Variants in NOSIP observed in about 807,000 individuals in gnomAD.
The protein encoded by NOSIP is nitric oxide synthase-interacting protein.
Under a neutral mutation model 36.4 loss-of-function variants are expected in NOSIP, and 25 were observed. The observed-to-expected ratio is 0.69, with a 90% confidence interval of 0.50 to 0.96. The LOEUF (loss-of-function observed/expected upper bound fraction) is 0.96. NOSIP is among the 40% of genes least tolerant of loss of function. The pLI is 0.00. For synonymous variants in NOSIP, 187 were observed against 179.2 expected, an observed-to-expected ratio of 1.04 and a Z score of -0.35; for missense variants, 370 against 429.0, an observed-to-expected ratio of 0.86 and a Z score of 1.21.
chr19:49,573,878 G>C (rs77035369), intron 1 of NOSIP, among the ~76,000 whole-genome samples: 1 of 132,296 alleles, frequency 7.6e-6, no homozygotes. Context: ...TTTTTTTTTG[G>C]AGACGGAGTC....
chr19:49,564,575 G>A (rs1017635427), intron 1 of NOSIP, among the ~76,000 whole-genome samples: 4 of 151,686 alleles, frequency 2.6e-5, no homozygotes, highest in African/African-American at 9.7e-5. Context: ...TAGAACCCTC[G>A]TGCACTGCTC....
In NOSIP at chr19:49,556,384, C is replaced by G; in HGVS notation, c.767G>C (p.Arg256Pro). The change falls in exon 8 of 9, where the codon CGG (arginine) becomes CCG (proline). Residue 256 changes from arginine to proline, a missense_variant. Physicochemically the swap from Arg to Pro is moderately radical, Grantham distance 103 (BLOSUM62 -2). This residue lies in a region of NOSIP where 315 missense variants were observed against 331.9 expected (regional missense o/e 0.95). Coordinates refer to ENST00000596358, the MANE Select transcript of NOSIP (RefSeq NM_001270960.2). Reference sequence around the variant, plus strand: ...AGTCACAGGGTCCACCATGTCCTTCCGAATCAGCTTCTCCACGCATTCGAG... The same window carrying G: ...AGTCACAGGGTCCACCATGTCCTTCGGAATCAGCTTCTCCACGCATTCGAG... ...VTLECVEKLI[R>P]KDMVDPVTGD... The G allele has an allele frequency of 6.2e-7, 1 of 1,613,796 alleles. No homozygotes were observed. The highest frequency in any genetic ancestry group is 1.3e-5 in the African/African-American group (1 of 74,962).
At position 49,560,361 on chromosome 19, in the gene NOSIP, C is replaced by T; in HGVS notation, c.70+261G>A. 1.7e-6 allele frequency: 1 copy of T among 579,972 alleles called. No homozygotes were observed. The highest frequency in any genetic ancestry group is 2.1e-5 in the South Asian group (1 of 48,450). The allele number at this position is 579,972 out of a possible 1,614,324, so 35.9% of individuals were successfully genotyped here. A position where few individuals can be genotyped will look rare whatever the true frequency, so the allele number is the denominator to read the frequency against. The stretch of plus-strand genomic sequence containing the variant: ...TCCCTCTTTGGGCCTCAGTTTCTTC[C>T]TCTGGAACATGGGGTAACAAGAGCA... On this transcript the variant is annotated intron_variant, in intron 2 of 8. Coordinates refer to ENST00000596358, the MANE Select transcript of NOSIP (RefSeq NM_001270960.2). The surrounding 1 kb of genome is among the most constrained non-coding windows in gnomAD (Gnocchi z 4.6).
chr19:49,568,270 G>A (rs1276745946), intron 1 of NOSIP, among the ~76,000 whole-genome samples: 2 of 152,174 alleles, frequency 1.3e-5, no homozygotes, highest in African/African-American at 2.4e-5. Flanking sequence ...CAATGGGTGT[G>A]GGGTGGAGGG....
At chr19:49,575,912 G>A (rs7250216) in intron 1 of NOSIP, among the ~76,000 whole-genome samples, 14,329 of 152,058 alleles carry the variant, frequency 0.094, 1,691 homozygotes, top group African/African-American at 0.27. Context: ...CGGGCAGATC[G>A]TGAGGTCAGG....
intron 1 of NOSIP, among the ~76,000 whole-genome samples, chr19:49,568,463 G>C (rs911294224): frequency 1.3e-5 from 2 of 152,150 alleles, no homozygotes; most frequent in African/African-American, 4.8e-5. Context: ...ATAGCAGAGT[G>C]CAGTTTCCTG....
chr19:49,558,876 C>T, intron 4 of NOSIP, 21 bp downstream of exon 4: 2 of 1,605,262 alleles, frequency 1.2e-6, no homozygotes, highest in Non-Finnish European at 1.7e-6. Context: ...CCGTGTGCCG[C>T]CTCCTCCCCA....
In NOSIP at chr19:49,557,179, T is replaced by C. The variant is rs1386623628; in HGVS notation, c.329A>G (p.His110Arg). The C allele has an allele frequency of 8.1e-6, 13 of 1,609,800 alleles. No homozygotes were observed. In the Admixed American group the frequency reaches 1.5e-4, roughly 19 times the overall value. Reference sequence around the variant, plus strand: ...CTCCTTCTCCAGGAAGCCCCGCACATGGTCCTGCGAGGCCGCCCGCTGAAG... The same window carrying C: ...CTCCTTCTCCAGGAAGCCCCGCACACGGTCCTGCGAGGCCGCCCGCTGAAG... ...KELQRAASQD[H>R]VRGFLEKESA... The change falls in exon 5 of 9, where the codon CAT becomes CGT. Residue 110 changes from histidine to arginine, a missense_variant. By Grantham distance (29) the His-to-Arg change is conservative (BLOSUM62 0). Around this residue, in one of 3 missense-constraint regions of NOSIP, gnomAD observed 315 missense variants for 331.9 expected, o/e 0.95. Coordinates refer to ENST00000596358, the MANE Select transcript of NOSIP (RefSeq NM_001270960.2).
intron 1 of NOSIP, among the ~76,000 whole-genome samples, chr19:49,576,361 G>C (rs1599767113): frequency 6.6e-6 from 1 of 151,446 alleles, no homozygotes; most frequent in East Asian, 2.0e-4. Flanking sequence ...TGGTTTTTGA[G>C]ACCAGACTTG....
intron 8 of NOSIP, 74 bp from the exon 9 acceptor site, chr19:49,555,896 G>A: frequency 8.9e-7 from 1 of 1,121,060 alleles, no homozygotes; most frequent in Non-Finnish European, 1.4e-6. Context: ...GTGGTAGTGG[G>A]GATTCCTAAG....
intron 1 of NOSIP, among the ~76,000 whole-genome samples, chr19:49,572,686 A>G (rs1422215186): frequency 6.6e-6 from 1 of 151,760 alleles, no homozygotes; most frequent in Non-Finnish European, 1.5e-5. Context: ...ATATATATAT[A>G]TATATGGCTG....
chr19:49,573,130 C>T (rs188025895), intron 1 of NOSIP, among the ~76,000 whole-genome samples: 6 of 152,244 alleles, frequency 3.9e-5, no homozygotes, highest in East Asian at 1.9e-4. Flanking sequence ...GGCACAGAGG[C>T]GGTGCCCTAG....
Position 49,557,169 on chromosome 19 carries a change from G to A in NOSIP, c.339C>T (p.Gly113=), listed in dbSNP as rs906979562. 19 of 1,611,656 alleles carry A rather than the reference G, an allele frequency of 1.2e-5. No individual in the cohort carries two copies. The highest frequency in any genetic ancestry group is 1.5e-5 in the Non-Finnish European group (18 of 1,179,244). The part of the protein sequence containing the change: ...QRAASQDHVR[G]FLEKESAIVS... ...CGATAGCCGACTCCTTCTCCAGGAA[G>A]CCCCGCACATGGTCCTGCGAGGCCG... is the stretch of plus-strand genomic sequence containing the variant. Residue 113 remains glycine, a synonymous_variant, in exon 5 of 9, where the codon GGC becomes GGT. Transcript: ENST00000596358.
Position 49,560,835 on chromosome 19 carries a change from G to A in NOSIP, c.-1-143C>T. ...GGGGGGTGAGGTGGAAGAGAGGGAGGGCATGTGGTCGCCAGGCCTCCTCCA... is the reference window on the plus strand; with the variant it reads ...GGGGGGTGAGGTGGAAGAGAGGGAGAGCATGTGGTCGCCAGGCCTCCTCCA... On this transcript the variant is annotated intron_variant, in intron 1 of 8. Coordinates refer to ENST00000596358, the MANE Select transcript of NOSIP (RefSeq NM_001270960.2). This position sits in a 1 kb window ranked among gnomAD's most constrained non-coding sequence, Gnocchi z 4.6. The A allele has an allele frequency of 1.5e-6, 1 of 679,896 alleles. No homozygotes were observed. The highest frequency in any genetic ancestry group is 2.7e-5 in the East Asian group (1 of 36,556). The allele number at this position is 679,896 out of a possible 1,614,324, so 42.1% of individuals were successfully genotyped here.
At chr19:49,565,096 C>A (rs1181179638) in intron 1 of NOSIP, among the ~76,000 whole-genome samples, 2 of 151,974 alleles carry the variant, frequency 1.3e-5, no homozygotes, top group East Asian at 3.9e-4. Flanking sequence ...AGCAACATAG[C>A]AAAACCTTGT....
At chr19:49,575,085 T>A (rs369833126) in intron 1 of NOSIP, among the ~76,000 whole-genome samples, 2 of 152,010 alleles carry the variant, frequency 1.3e-5, no homozygotes, top group Non-Finnish European at 1.5e-5. Context: ...GGATGGTCTC[T>A]ATCTCCTGAC....
At chr19:49,563,638 T>G (rs948161292) in intron 1 of NOSIP, among the ~76,000 whole-genome samples, 2 of 151,922 alleles carry the variant, frequency 1.3e-5, no homozygotes, top group Non-Finnish European at 2.9e-5. Flanking sequence ...GGATTACAGG[T>G]GCATGCCACC....
At chr19:49,556,758 G>T in intron 6 of NOSIP, 22 bp from the exon 7 acceptor site, 2 of 1,585,892 alleles carry the variant, frequency 1.3e-6, no homozygotes, top group Non-Finnish European at 1.7e-6. Flanking sequence ...AGAGAGAGGC[G>T]GGCTCAGTAG....
At chr19:49,573,210 C>T (rs77591237) in intron 1 of NOSIP, among the ~76,000 whole-genome samples, 3,920 of 152,228 alleles carry the variant, frequency 0.026, 140 homozygotes, top group African/African-American at 0.084. Flanking sequence ...TCCACTGTGC[C>T]AGCTGGCTGC....
Sources: gnomAD v4.1 joint callset for allele counts (sites outside exome capture counted in the v4.1 genomes callset) on GRCh38, gnomAD v4.1.1 for gene constraint, gnomAD v4.1.1 regional missense constraint, Gnocchi (gnomAD v3.1) non-coding constraint, MANE v1.5 for transcripts, NCBI Gene and HGNC (gene_info 2026-07-23, HGNC 2026-07-21) for gene names.